The following F13A1 variants were observed in gnomAD, a reference collection of about 807,000 sequenced individuals.
F13A1 encodes the protein coagulation factor XIII A chain, also known as FSF, A subunit.
In F13A1, 47 loss-of-function variants were observed where a neutral mutation model predicts 80.1. The ratio of observed to expected loss-of-function variants is 0.59; its 90% confidence interval spans 0.46 to 0.75. The LOEUF is 0.75. Among genes scored for constraint, F13A1 ranks in the 30% least tolerant of loss-of-function variants. The pLI, the probability that F13A1 is intolerant of heterozygous loss-of-function variation, is 0.00. For missense variants in F13A1, 817 were observed against 930.4 expected, an observed-to-expected ratio of 0.88 and a Z score of 1.59; for synonymous variants, 349 against 344.9, an observed-to-expected ratio of 1.01 and a Z score of -0.13.
chr6:6,307,319 A>T (rs937235734), intron 2 of F13A1, among the ~76,000 whole-genome samples: 6 of 152,192 alleles, frequency 3.9e-5, no homozygotes, highest in Non-Finnish European at 8.8e-5. Context: ...TGTTGTATAC[A>T]TGTTCCCCTG....
chr6:6,210,583 CG>C (rs1396315550), intron 8 of F13A1, among the ~76,000 whole-genome samples: 9 of 150,658 alleles, frequency 6.0e-5, no homozygotes, highest in Non-Finnish European at 1.2e-4. Flanking sequence ...TTAGTAGAGA[CG>C]GGATTTTTAC....
chr6:6,201,878 G>T (rs566598817), intron 8 of F13A1, among the ~76,000 whole-genome samples: 19 of 152,078 alleles, frequency 1.2e-4, no homozygotes, highest in African/African-American at 4.3e-4. Context: ...ACGTGTCAGA[G>T]GATCTAATTT....
At chr6:6,313,575 G>A (rs189903783) in intron 2 of F13A1, among the ~76,000 whole-genome samples, 2 of 151,970 alleles carry the variant, frequency 1.3e-5, no homozygotes, top group Admixed American at 6.6e-5. Context: ...TAAATGTTTA[G>A]GTTTATATAC....
At chr6:6,233,126 G>A (rs1339071340) in intron 6 of F13A1, among the ~76,000 whole-genome samples, 1 of 151,742 alleles carries the variant, frequency 6.6e-6, no homozygotes, top group Non-Finnish European at 1.5e-5. Context: ...AAACAAAATT[G>A]AAACAAACAA....
At chr6:6,316,077 GCATATATATA>G (rs1379490806) in intron 2 of F13A1, among the ~76,000 whole-genome samples, 11 of 49,650 alleles carry the variant, frequency 2.2e-4, no homozygotes, top group South Asian at 8.1e-4. Context: ...ATGTGTGTGT[GCATATATATA>G]TATATATATA....
intron 13 of F13A1, among the ~76,000 whole-genome samples, chr6:6,163,742 G>A (rs924526725): frequency 6.6e-6 from 1 of 152,156 alleles, no homozygotes; most frequent in Non-Finnish European, 1.5e-5. Flanking sequence ...GATTCCATGT[G>A]TGTGCTATTG....
chr6:6,221,431 A>G (rs1298990656), intron 8 of F13A1, among the ~76,000 whole-genome samples: 1 of 152,218 alleles, frequency 6.6e-6, no homozygotes, highest in Admixed American at 6.5e-5. Context: ...TTTACATTCG[A>G]AAAGAAAACC....
At chr6:6,201,010 A>G (rs1561652609) in intron 8 of F13A1, among the ~76,000 whole-genome samples, 1 of 152,180 alleles carries the variant, frequency 6.6e-6, no homozygotes, top group Non-Finnish European at 1.5e-5. Flanking sequence ...AAAAACAGCA[A>G]TAAAACATTT....
chr6:6,233,666 T>C (rs1251784933), intron 6 of F13A1, among the ~76,000 whole-genome samples: 1 of 152,094 alleles, frequency 6.6e-6, no homozygotes, highest in African/African-American at 2.4e-5. Context: ...TACAGACCAA[T>C]ATCCTTGATG....
chr6:6,298,001 A>G (rs1175139575), intron 3 of F13A1, among the ~76,000 whole-genome samples: 2 of 150,566 alleles, frequency 1.3e-5, no homozygotes, highest in African/African-American at 2.5e-5. Flanking sequence ...TCATTTCATT[A>G]TGTATCCAGT....
At chr6:6,156,373 C>T (rs1760478937) in intron 13 of F13A1, among the ~76,000 whole-genome samples, 1 of 152,116 alleles carries the variant, frequency 6.6e-6, no homozygotes, top group Admixed American at 6.5e-5. Context: ...AAGATATCTT[C>T]CACTAAGCAT....
At chr6:6,154,162 C>G (rs1004910066) in intron 13 of F13A1, among the ~76,000 whole-genome samples, 1 of 136,096 alleles carries the variant, frequency 7.3e-6, no homozygotes, top group Non-Finnish European at 1.6e-5. Context: ...AAAAAAAAAA[C>G]GGCAGTCAGA....
At chr6:6,222,926 G>T (rs2113060108) in intron 7 of F13A1, among the ~76,000 whole-genome samples, 1 of 152,236 alleles carries the variant, frequency 6.6e-6, no homozygotes, top group Non-Finnish European at 1.5e-5. Context: ...CTCCTTAAAG[G>T]ACTTGATCTT....
intron 3 of F13A1, among the ~76,000 whole-genome samples, chr6:6,303,482 T>C (rs1561685064): frequency 6.6e-6 from 1 of 152,194 alleles, no homozygotes; most frequent in Non-Finnish European, 1.5e-5. Context: ...AAATATACAT[T>C]GTGGATTGAT....
At chr6:6,280,688 G>C (rs765392896) in intron 3 of F13A1, among the ~76,000 whole-genome samples, 2 of 152,168 alleles carry the variant, frequency 1.3e-5, no homozygotes, top group South Asian at 4.1e-4. Context: ...GATGCCTTGT[G>C]GGGGAACACA....
chr6:6,178,650 G>A (rs1400479464), intron 11 of F13A1, among the ~76,000 whole-genome samples: 1 of 152,168 alleles, frequency 6.6e-6, no homozygotes, highest in Non-Finnish European at 1.5e-5. Context: ...TCAGGTGGGT[G>A]GGAATGGAGC....
In F13A1 at chr6:6,229,149, G is replaced by A. The variant is rs74376991; in HGVS notation, c.799-4289C>T. Among the ~76,000 whole-genome samples the A allele has an allele frequency of 5.8e-3, 881 of 152,256 alleles. 5 individuals carry two copies. The highest frequency in any genetic ancestry group is 0.02 in the African/African-American group (835 of 41,540). ...TTTCATTTATTACAGCAAATAGAAC[G>A]TCTAGAGACAAGAATGATGCAAGTT... On this transcript the variant is annotated intron_variant, in intron 6 of 14. Transcript: ENST00000264870.
chr6:6,148,409 C>T (rs1047164024), intron 14 of F13A1, among the ~76,000 whole-genome samples: 10 of 152,270 alleles, frequency 6.6e-5, no homozygotes, highest in African/African-American at 1.9e-4. Context: ...GGTTCAATAA[C>T]CCCTGCCTTC....
chr6:6,253,772 GC>G (rs1757667879), intron 4 of F13A1, among the ~76,000 whole-genome samples: 1 of 152,226 alleles, frequency 6.6e-6, no homozygotes, highest in Admixed American at 6.5e-5. Context: ...TATGGAAGGA[GC>G]TAGATGTGTA....
Sources: gnomAD v4.1 joint callset for allele counts (sites outside exome capture counted in the v4.1 genomes callset) on GRCh38, gnomAD v4.1.1 for gene constraint, MANE v1.5 for transcripts, NCBI Gene and HGNC (gene_info 2026-07-23, HGNC 2026-07-21) for gene names.